FGF18: variants seen among roughly 807,000 people sequenced by gnomAD.
FGF18 encodes fibroblast growth factor 18.
FGF18 carries 5 observed loss-of-function variants against 23.0 expected under a neutral mutation model. The ratio of observed to expected loss-of-function variants is 0.22; its 90% CI spans 0.11 to 0.46. FGF18 has a LOEUF of 0.46. Among genes scored for constraint, FGF18 ranks in the 20% least tolerant of loss-of-function variants. The pLI is 0.99. For synonymous variants in FGF18, 117 were observed against 118.9 expected (o/e 0.98, Z 0.10); for missense variants, 180 against 291.6 (o/e 0.62, Z 2.79).
intron 2 of FGF18, among the ~76,000 whole-genome samples, chr5:171,421,246 T>TG (rs1772002176): frequency 7.5e-6 from 1 of 133,786 alleles, no homozygotes; most frequent in Non-Finnish European, 1.6e-5. Flanking sequence ...GAAAAAGGGT[T>TG]GGGGGGAGGG....
intron 2 of FGF18, among the ~76,000 whole-genome samples, chr5:171,433,573 G>C (rs976346094): frequency 5.3e-5 from 8 of 152,180 alleles, no homozygotes; most frequent in Non-Finnish European, 4.4e-5. Flanking sequence ...AGCAGGATGT[G>C]GAAGGAGGCG....
chr5:171,427,651 C>T (rs1459673696), intron 2 of FGF18, among the ~76,000 whole-genome samples: 2 of 152,186 alleles, frequency 1.3e-5, no homozygotes, highest in Non-Finnish European at 2.9e-5. Context: ...TAGTGTTGCT[C>T]GTCATCAACA....
chr5:171,433,840 T>A (rs1027681731), intron 2 of FGF18, among the ~76,000 whole-genome samples: 2 of 152,154 alleles, frequency 1.3e-5, no homozygotes, highest in Admixed American at 6.5e-5. Context: ...ATAAATCTGG[T>A]TTGCAGGGCT....
intron 4 of FGF18, among the ~76,000 whole-genome samples, chr5:171,454,073 C>T (rs1195525714): frequency 2.0e-5 from 3 of 152,104 alleles, no homozygotes; most frequent in Non-Finnish European, 4.4e-5. Context: ...TATGGAATTT[C>T]TCTGTTGGGG....
chr5:171,456,696 T>G lies in FGF18; in HGVS notation c.515T>G (p.Val172Gly). Reference sequence around the variant, plus strand: ...AAGACCCGGGAGAACCAGCAGGACGTGCATTTCATGAAGCGCTACCCCAAG... The same window carrying G: ...AAGACCCGGGAGAACCAGCAGGACGGGCATTTCATGAAGCGCTACCCCAAG... ...GPKTRENQQD[V>G]HFMKRYPKGQ... The change falls in exon 5 of 5, where the codon GTG becomes GGG. Residue 172 changes from valine to glycine, a missense_variant. Coordinates refer to ENST00000274625, the MANE Select transcript of FGF18 (RefSeq NM_003862.3). This position sits in a 1 kb window ranked among gnomAD's most constrained non-coding sequence, Gnocchi z 6.1. The G allele has an allele frequency of 6.2e-7, 1 of 1,613,944 alleles. No homozygotes were observed. The highest frequency in any genetic ancestry group is 8.5e-7 in the Non-Finnish European group (1 of 1,179,984).
At chr5:171,450,888 GTTTTCGGCTCGT>G (rs1772492793) in intron 4 of FGF18, among the ~76,000 whole-genome samples, 1 of 152,002 alleles carries the variant, frequency 6.6e-6, no homozygotes, top group African/African-American at 2.4e-5. Flanking sequence ...CCTGCTTTGA[GTTTTCGGCTCGT>G]TTTTCTTTCT....
At chr5:171,424,020 C>T (rs1458517172) in intron 2 of FGF18, among the ~76,000 whole-genome samples, 2 of 152,142 alleles carry the variant, frequency 1.3e-5, no homozygotes, top group African/African-American at 4.8e-5. Flanking sequence ...CTGCCTTGGC[C>T]TCCCAAAGTG....
At position 171,443,500 on chromosome 5, in the gene FGF18, C is replaced by CTTTTTTTTTTTTTTTTTTTTTTT. The variant is rs766926286; in HGVS notation, c.251-5647_251-5646insTTTTTTTTTTTTTTTTTTTTTTT. Reference sequence around the variant, plus strand: ...TCAGATAAGTATTCACTGTTATCATCATTTTTTTTTTTTTTTTTTTTTTTT... The same window carrying CTTTTTTTTTTTTTTTTTTTTTTT: ...TCAGATAAGTATTCACTGTTATCATCTTTTTTTTTTTTTTTTTTTTTTTATTTTTTTTTTTTTTTTTTTTTTTT... On this transcript the variant is annotated intron_variant, in intron 3 of 4. Transcript: ENST00000274625. Among the ~76,000 whole-genome samples, 22 of 70,394 alleles carry CTTTTTTTTTTTTTTTTTTTTTTT rather than the reference C, an allele frequency of 3.1e-4. 5 individuals are homozygous for CTTTTTTTTTTTTTTTTTTTTTTT. The highest frequency in any genetic ancestry group is 8.8e-4 in the Admixed American group (4 of 4,530). The allele number at this position is 70,394 out of a possible 152,430, so 46.2% of individuals were successfully genotyped here.
intron 4 of FGF18, among the ~76,000 whole-genome samples, chr5:171,452,753 G>T (rs1416605529): frequency 6.6e-6 from 1 of 152,182 alleles, no homozygotes; most frequent in Non-Finnish European, 1.5e-5. Context: ...CCTTTTCAGG[G>T]CAGGGGAGTG....
chr5:171,420,352 C>T, intron 1 of FGF18, 55 bp from the exon 2 acceptor site: 2 of 1,608,750 alleles, frequency 1.2e-6, no homozygotes, highest in South Asian at 1.1e-5. Flanking sequence ...GTCTGTCTGT[C>T]CGTGCGCCCC....
chr5:171,431,684 G>A (rs1772183728), intron 2 of FGF18, among the ~76,000 whole-genome samples: 1 of 152,194 alleles, frequency 6.6e-6, no homozygotes, highest in Admixed American at 6.5e-5. Flanking sequence ...TGTGCATGGC[G>A]TGGCAGGAAA....
intron 2 of FGF18, 49 bp downstream of exon 2, chr5:171,420,492 C>G: frequency 6.4e-7 from 1 of 1,570,802 alleles, no homozygotes; most frequent in Admixed American, 1.7e-5. Flanking sequence ...CCTCGCGGTA[C>G]ACGCCGACCC....
Position 171,456,092 on chromosome 5 carries a change from A to G in FGF18, c.358-447A>G, listed in dbSNP as rs1300440264. On this transcript the variant is annotated intron_variant, in intron 4 of 4. Coordinates refer to ENST00000274625, the MANE Select transcript of FGF18 (RefSeq NM_003862.3). This position sits in a 1 kb window ranked among gnomAD's most constrained non-coding sequence, Gnocchi z 6.1. ...CAAAGAGTCTTCACTCGGCCAAACTAGAGTCAGGCTCCTGAACCTTCTCTT... is the reference window on the plus strand; with the variant it reads ...CAAAGAGTCTTCACTCGGCCAAACTGGAGTCAGGCTCCTGAACCTTCTCTT... 6.6e-6 allele frequency among the ~76,000 whole-genome samples: 1 copy of G among 152,142 alleles called. No individual in the cohort carries two copies. Among genetic ancestry groups the G allele is most frequent in the Non-Finnish European group, 1.5e-5 (1 of 68,018 alleles).
chr5:171,431,696 G>A (rs983833414), intron 2 of FGF18, among the ~76,000 whole-genome samples: 2 of 152,312 alleles, frequency 1.3e-5, no homozygotes, highest in East Asian at 3.9e-4. Context: ...GGCAGGAAAG[G>A]TGGAGTGACA....
At chr5:171,423,294 G>C (rs1772044574) in intron 2 of FGF18, among the ~76,000 whole-genome samples, 1 of 152,226 alleles carries the variant, frequency 6.6e-6, no homozygotes, top group Admixed American at 6.5e-5. Flanking sequence ...ACCGTAGATA[G>C]CTCAAATTGG....
At chr5:171,443,751 C>T (rs1043537249) in intron 3 of FGF18, among the ~76,000 whole-genome samples, 2 of 152,096 alleles carry the variant, frequency 1.3e-5, no homozygotes, top group African/African-American at 2.4e-5. Context: ...TCCCTTCCTG[C>T]ACTCTTTCCC....
At chr5:171,449,384 T>A in intron 4 of FGF18, 131 bp downstream of exon 4, 1 of 500,638 alleles carries the variant, frequency 2.0e-6, no homozygotes, top group African/African-American at 2.2e-5. Flanking sequence ...TGTGTGTGTG[T>A]GTGTGTGTGT....
chr5:171,420,517 C>T, intron 2 of FGF18, 74 bp downstream of exon 2: 9 of 1,421,658 alleles, frequency 6.3e-6, no homozygotes, highest in Non-Finnish European at 8.9e-6. Context: ...TCCCCGGCCG[C>T]GCCCCCTCCC....
rs1581279829 is a variant in FGF18, at chr5:171,450,679, C to T, written c.357+1426C>T. 2.0e-5 allele frequency among the ~76,000 whole-genome samples: 3 copies of T among 152,326 alleles called. No individual in the cohort carries two copies. In the East Asian group the frequency reaches 5.8e-4, roughly 29 times the overall value. On this transcript the variant is annotated intron_variant, in intron 4 of 4. Coordinates refer to ENST00000274625, the MANE Select transcript of FGF18 (RefSeq NM_003862.3). ...AGGAGTGGTTTTAATTAGTGATTCA[C>T]TTTCCGCCGTTGCGAGGCTGGCCGG...
Sources: gnomAD v4.1 joint callset for allele counts (sites outside exome capture counted in the v4.1 genomes callset) on GRCh38, gnomAD v4.1.1 for gene constraint, Gnocchi (gnomAD v3.1) non-coding constraint, MANE v1.5 for transcripts, NCBI Gene and HGNC (gene_info 2026-07-23, HGNC 2026-07-21) for gene names.